DIS3L2: variants seen among roughly 807,000 people sequenced by gnomAD.
The protein encoded by DIS3L2 is DIS3 like 3'-5' exoribonuclease 2.
In DIS3L2, 34 loss-of-function variants were observed where a neutral mutation model predicts 97.5. The ratio of observed to expected loss-of-function variants is 0.35; its 90% CI spans 0.27 to 0.46. DIS3L2 has a LOEUF of 0.46. Among genes scored for constraint, DIS3L2 ranks in the 20% least tolerant of loss-of-function variants. The pLI, the probability that DIS3L2 is intolerant of heterozygous loss-of-function variation, is 1.00. For missense variants in DIS3L2, 1,038 were observed against 1,146.0 expected, an observed-to-expected ratio of 0.91 and a Z score of 1.36; for synonymous variants, 435 against 445.2, an observed-to-expected ratio of 0.98 and a Z score of 0.29.
chr2:232,333,756 G>GATACTCCTT, intron 16 of DIS3L2, 84 bp from the exon 17 acceptor site: 18 of 1,487,188 alleles, frequency 1.2e-5, no homozygotes, highest in Admixed American at 1.1e-4. Context: ...CGCTGCCGAC[G>GATACTCCTT]GTGAGGCTGT....
At chr2:231,969,817 C>T (rs1692840417) in intron 1 of DIS3L2, among the ~76,000 whole-genome samples, 3 of 151,840 alleles carry the variant, frequency 2.0e-5, no homozygotes, top group Non-Finnish European at 4.4e-5. Flanking sequence ...TTTAGTCTTT[C>T]ACCATTTGTA....
At chr2:232,336,337 T>TACAG (rs974435615) in intron 20 of DIS3L2, 132 bp from the exon 21 acceptor site, 92 of 1,546,834 alleles carry the variant, frequency 5.9e-5, no homozygotes, top group South Asian at 9.6e-5. Flanking sequence ...GGGCCCCCAT[T>TACAG]ACAGACAGGC....
chr2:232,295,718 T>G (rs755805862), intron 13 of DIS3L2, among the ~76,000 whole-genome samples: 1 of 152,248 alleles, frequency 6.6e-6, no homozygotes, highest in Non-Finnish European at 1.5e-5. Context: ...GATTGCCATT[T>G]CCTGGCTTTC....
intron 10 of DIS3L2, among the ~76,000 whole-genome samples, chr2:232,213,404 T>C (rs1321137609): frequency 3.9e-5 from 6 of 152,178 alleles, no homozygotes; most frequent in Non-Finnish European, 8.8e-5. Flanking sequence ...GGGAAGACTC[T>C]GAAACGGCCT....
At chr2:232,145,990 C>G (rs1472617907) in intron 8 of DIS3L2, among the ~76,000 whole-genome samples, 1 of 152,064 alleles carries the variant, frequency 6.6e-6, no homozygotes, top group African/African-American at 2.4e-5. Context: ...GAGGATATAA[C>G]CAAAGGATAG....
intron 10 of DIS3L2, among the ~76,000 whole-genome samples, chr2:232,214,113 A>G (rs1692270223): frequency 6.6e-6 from 1 of 152,198 alleles, no homozygotes; most frequent in South Asian, 2.1e-4. Flanking sequence ...GAGTGGCGTT[A>G]TAGTGATAAC....
At position 232,325,406 on chromosome 2, in the gene DIS3L2, A is replaced by C. The variant is rs1377157260; in HGVS notation, c.1740-4407A>C. Among the ~76,000 whole-genome samples the C allele has an allele frequency of 2.0e-5, 3 of 152,116 alleles. No homozygotes were observed. Among genetic ancestry groups the C allele is most frequent in the Admixed American group, 6.5e-5 (1 of 15,278 alleles). ...GTCACCCTTGCTGTGGGGAGTGTGT[A>C]CCGTGTGCGGGGGGCTGGTGGCCTT... is the stretch of plus-strand genomic sequence containing the variant. On this transcript the variant is annotated intron_variant, in intron 14 of 20. Transcript: ENST00000325385. The surrounding 1 kb of genome is among the most constrained non-coding windows in gnomAD (Gnocchi z 4.6).
intron 7 of DIS3L2, among the ~76,000 whole-genome samples, chr2:232,134,563 G>T (rs1482815768): frequency 2.0e-5 from 3 of 152,032 alleles, no homozygotes; most frequent in Non-Finnish European, 4.4e-5. Flanking sequence ...AGTGGCTCAC[G>T]CCCATAATCC....
At position 232,015,620 on chromosome 2, in the gene DIS3L2, C is replaced by T. The variant is rs779281100; in HGVS notation, c.159C>T (p.Tyr53=). The T allele has an allele frequency of 2.5e-6, 4 of 1,613,998 alleles. No individual in the cohort carries two copies. In the South Asian group the frequency reaches 4.4e-5, roughly 18 times the overall value. The stretch of plus-strand genomic sequence containing the variant: ...AGAAAAAGAGCATATTTGAAACTTA[C>T]ATGTCCAAGGAGGATGTTTCAGAAG... The part of the protein sequence containing the change: ...RGKKKSIFET[Y]MSKEDVSEGL... Residue 53 remains tyrosine (Y), a synonymous_variant, in exon 3 of 21, where the codon TAC becomes TAT. Coordinates refer to ENST00000325385, the MANE Select transcript of DIS3L2 (RefSeq NM_152383.5).
At chr2:232,326,541 C>T (rs532685418) in intron 14 of DIS3L2, among the ~76,000 whole-genome samples, 15 of 152,312 alleles carry the variant, frequency 9.8e-5, no homozygotes, top group African/African-American at 3.6e-4. Context: ...CCCCCATCTG[C>T]TACTTGCAGC....
At chr2:232,217,141 A>G (rs989896180) in intron 10 of DIS3L2, among the ~76,000 whole-genome samples, 1 of 152,158 alleles carries the variant, frequency 6.6e-6, no homozygotes, top group African/African-American at 2.4e-5. Context: ...GCGCCTGGCC[A>G]CAACACCTCT....
rs1553606124 is a variant in DIS3L2 at position 232,087,605 on chromosome 2, CTGATGTCATTGTAGAGGCTCAGTT to C, written c.491_514del (p.Val164_Asp171del). 1 of 1,614,014 alleles carries C rather than the reference CTGATGTCATTGTAGAGGCTCAGTT, an allele frequency of 6.2e-7. No individual in the cohort carries two copies. The stretch of plus-strand genomic sequence containing the variant: ...TCCCTGAAAAGCTATAATGACAGTC[CTGATGTCATTGTAGAGGCTCAGTT>C]TGATGGCAGCGACTCAGAAGATGGA... On this transcript the variant is annotated inframe_deletion, in exon 6 of 21. Transcript: ENST00000325385.
At chr2:232,239,275 T>C (rs144314545) in intron 11 of DIS3L2, among the ~76,000 whole-genome samples, 5 of 152,344 alleles carry the variant, frequency 3.3e-5, no homozygotes, top group Non-Finnish European at 7.3e-5. Context: ...TTCCATTCTG[T>C]GTACTTGGAC....
intron 14 of DIS3L2, among the ~76,000 whole-genome samples, chr2:232,315,952 G>T (rs1695261718): frequency 6.6e-6 from 1 of 152,174 alleles, no homozygotes; most frequent in Non-Finnish European, 1.5e-5. Context: ...GAGACCCAGG[G>T]TCCACCCTCC....
At chr2:232,140,390 G>A (rs1342448242) in intron 8 of DIS3L2, among the ~76,000 whole-genome samples, 2 of 152,162 alleles carry the variant, frequency 1.3e-5, no homozygotes, top group Non-Finnish European at 2.9e-5. Context: ...CTGGTCAGAT[G>A]AGTAGATGGA....
intron 11 of DIS3L2, among the ~76,000 whole-genome samples, chr2:232,242,960 A>G (rs1488510653): frequency 6.6e-6 from 1 of 152,186 alleles, no homozygotes; most frequent in East Asian, 1.9e-4. Flanking sequence ...GAGGGATGTA[A>G]AGATGAGACA....
chr2:232,246,021 C>G (rs1693237630), intron 11 of DIS3L2, among the ~76,000 whole-genome samples: 1 of 152,218 alleles, frequency 6.6e-6, no homozygotes, highest in Non-Finnish European at 1.5e-5. Context: ...GCCTACCATG[C>G]ATCAGGTGTA....
intron 13 of DIS3L2, among the ~76,000 whole-genome samples, chr2:232,270,876 C>CTCTCTTTCTCTCTCTCTCTCTT (rs758626503): frequency 8.0e-6 from 1 of 125,408 alleles, no homozygotes; most frequent in Non-Finnish European, 1.6e-5. Flanking sequence ...CTCTCTCTCT[C>CTCTCTTTCTCTCTCTCTCTCTT]TCTCTCTCTC....
At position 232,203,467 on chromosome 2, in the gene DIS3L2, G is replaced by C. The variant is rs76861737; in HGVS notation, c.1125-6859G>C. Among the ~76,000 whole-genome samples, 264 of 152,334 alleles carry C rather than the reference G, an allele frequency of 1.7e-3. 8 individuals are homozygous for C. In the East Asian group the frequency reaches 0.047, roughly 27 times the overall value. ...AGGATTGAATGCCAGGAAGTCATGA[G>C]TTCTAATCCTAAATGTATTTCCCAA... On this transcript the variant is annotated intron_variant, in intron 9 of 20. Coordinates refer to ENST00000325385, the MANE Select transcript of DIS3L2 (RefSeq NM_152383.5).
Sources: gnomAD v4.1 joint callset for allele counts (sites outside exome capture counted in the v4.1 genomes callset) on GRCh38, gnomAD v4.1.1 for gene constraint, Gnocchi (gnomAD v3.1) non-coding constraint, MANE v1.5 for transcripts, NCBI Gene and HGNC (gene_info 2026-07-23, HGNC 2026-07-21) for gene names.